MRC1: variants seen among roughly 807,000 people sequenced by gnomAD.
MRC1 encodes the protein mannose receptor C-type 1, also known as macrophage mannose receptor 1.
MRC1 carries 62 observed loss-of-function variants against 102.9 expected under a neutral mutation model. The observed-to-expected ratio is 0.60, with a 90% CI of 0.49 to 0.74. MRC1 has a LOEUF of 0.74. Among genes scored for constraint, MRC1 ranks in the 30% least tolerant of loss-of-function variants. The probability of loss-of-function intolerance (pLI) is 0.00; values close to 1 mark genes in which losing one functional copy is unlikely to be tolerated. For synonymous variants in MRC1, 457 were observed against 298.4 expected (o/e 1.53, Z -5.48); for missense variants, 1,237 against 862.8 (o/e 1.43, Z -5.43).
In MRC1 at chr10:17,872,142, CTCTCCTTTA is replaced by C; in HGVS notation, c.2344+21_2344+29del. ...ATACAAAAAGGTATGATCACCTCTT[CTCTCCTTTA>C]TCTCAGCTTGGTAGACTAACCTCCT... On this transcript the variant is annotated intron_variant, in intron 15 of 29. Coordinates refer to ENST00000569591, the MANE Select transcript of MRC1 (RefSeq NM_002438.4). 2 of 780,468 alleles carry C rather than the reference CTCTCCTTTA, an allele frequency of 2.6e-6. No homozygotes were observed. The highest frequency in any genetic ancestry group is 2.3e-4 in the Middle Eastern group (1 of 4,398). 48.3% of individuals were successfully genotyped at this position (780,468 alleles called of 1,614,324 possible).
chr10:17,845,276 C>G lies in MRC1; in HGVS notation c.917-13C>G. On this transcript the variant is annotated splice_polypyrimidine_tract_variant and intron_variant, in intron 5 of 29. Coordinates refer to ENST00000569591, the MANE Select transcript of MRC1 (RefSeq NM_002438.4). ...CTATAATAGTCCACTTTAACTTTTC[C>G]TTTTCCTCGAAGGAAGTCCATCAGC... 1.3e-6 allele frequency: 1 copy of G among 780,792 alleles called. No individual in the cohort carries two copies. 48.4% of individuals were successfully genotyped at this position (780,792 alleles called of 1,614,324 possible).
At chr10:17,844,811 A>G (rs931385388) in intron 5 of MRC1, among the ~76,000 whole-genome samples, 1 of 152,142 alleles carries the variant, frequency 6.6e-6, no homozygotes, top group Middle Eastern at 3.2e-3. Flanking sequence ...GCTCCCACTT[A>G]GAAGTGAGAA....
chr10:17,856,790 A>AT (rs1365607378), intron 9 of MRC1, among the ~76,000 whole-genome samples: 1 of 151,944 alleles, frequency 6.6e-6, no homozygotes, highest in Non-Finnish European at 1.5e-5. Flanking sequence ...ATCCTTAGTC[A>AT]TTTTTTTCCC....
At chr10:17,857,343 T>C (rs1833108177) in intron 9 of MRC1, among the ~76,000 whole-genome samples, 2 of 152,234 alleles carry the variant, frequency 1.3e-5, no homozygotes, top group Non-Finnish European at 2.9e-5. Flanking sequence ...CCAGCATACG[T>C]TCATATTCTT....
intron 6 of MRC1, among the ~76,000 whole-genome samples, chr10:17,846,810 AT>A (rs1554840260): frequency 6.6e-6 from 1 of 152,134 alleles, no homozygotes; most frequent in African/African-American, 2.4e-5. Context: ...CAGCACATAT[AT>A]TTTTTTGACC....
chr10:17,832,974 C>T (rs1396771761), intron 3 of MRC1, among the ~76,000 whole-genome samples: 4 of 152,172 alleles, frequency 2.6e-5, no homozygotes, highest in African/African-American at 9.7e-5. Flanking sequence ...GGTACCCGAA[C>T]TGTGAACATT....
intron 9 of MRC1, among the ~76,000 whole-genome samples, chr10:17,860,029 C>T (rs1833159599): frequency 6.6e-6 from 1 of 152,222 alleles, no homozygotes; most frequent in South Asian, 2.1e-4. Flanking sequence ...GACCTCGGTT[C>T]CAACTCCCTG....
At chr10:17,866,829 A>G (rs1589185061) in intron 12 of MRC1, 68 bp downstream of exon 12, 1 of 778,912 alleles carries the variant, frequency 1.3e-6, no homozygotes, top group Admixed American at 1.7e-5. Context: ...TCATCTAAGG[A>G]CATAGAAAAC....
rs1452126734 is a variant in MRC1, at chr10:17,851,920, G to T, written c.1250-1047G>T. Among the ~76,000 whole-genome samples, 11 of 152,332 alleles carry T rather than the reference G, an allele frequency of 7.2e-5. No homozygotes were observed. In the East Asian group the frequency reaches 2.1e-3, roughly 29 times the overall value. ...CCGCTTAGGGAGAATCTTATACATT[G>T]TGATGTTTTCCTCATTTTCTACCAC... On this transcript the variant is annotated intron_variant, in intron 7 of 29. Transcript: ENST00000569591.
At chr10:17,879,086 G>A (rs1833476938) in intron 18 of MRC1, among the ~76,000 whole-genome samples, 1 of 152,128 alleles carries the variant, frequency 6.6e-6, no homozygotes, top group Non-Finnish European at 1.5e-5. Flanking sequence ...GGGTGGTTTG[G>A]TTTTGTGGGA....
intron 4 of MRC1, among the ~76,000 whole-genome samples, chr10:17,834,065 G>A (rs1838623740): frequency 6.6e-6 from 1 of 152,172 alleles, no homozygotes; most frequent in Non-Finnish European, 1.5e-5. Context: ...TAGAGCCAGT[G>A]CTAAGAAGGA....
chr10:17,847,350 C>A (rs1838841283), intron 6 of MRC1, among the ~76,000 whole-genome samples: 1 of 152,166 alleles, frequency 6.6e-6, no homozygotes, highest in African/African-American at 2.4e-5. Context: ...ACTCTTCTTC[C>A]TGAGATAAAA....
At chr10:17,820,480 G>A (rs1390541092) in intron 1 of MRC1, among the ~76,000 whole-genome samples, 1 of 152,158 alleles carries the variant, frequency 6.6e-6, no homozygotes, top group Non-Finnish European at 1.5e-5. Context: ...GAGGAACACT[G>A]TTCATGCATA....
At chr10:17,869,734 C>T (rs1023456490) in intron 12 of MRC1, among the ~76,000 whole-genome samples, 71 of 152,286 alleles carry the variant, frequency 4.7e-4, no homozygotes, top group Non-Finnish European at 4.0e-4. Flanking sequence ...AAATACAAGG[C>T]GGTATTGAAG....
At chr10:17,816,870 C>T (rs1264151769) in intron 1 of MRC1, among the ~76,000 whole-genome samples, 8 of 152,128 alleles carry the variant, frequency 5.3e-5, no homozygotes, top group Non-Finnish European at 1.5e-5. Context: ...TGAACAATCA[C>T]CTTTAATAAC....
intron 1 of MRC1, among the ~76,000 whole-genome samples, chr10:17,813,011 G>A (rs997698889): frequency 1.3e-5 from 2 of 152,118 alleles, no homozygotes; most frequent in African/African-American, 2.4e-5. Flanking sequence ...AATGAGAGAC[G>A]TCTTGGTGGA....
chr10:17,830,003 T>C (rs1308964582), intron 3 of MRC1, among the ~76,000 whole-genome samples: 2 of 151,658 alleles, frequency 1.3e-5, no homozygotes, highest in Non-Finnish European at 2.9e-5. Context: ...GAAAATAAAT[T>C]GATTTGGTTT....
chr10:17,902,499 T>C (rs1833842059), intron 26 of MRC1, among the ~76,000 whole-genome samples: 2 of 152,172 alleles, frequency 1.3e-5, no homozygotes, highest in Non-Finnish European at 2.9e-5. Context: ...GAAAAGTATT[T>C]CTATTTATTG....
chr10:17,820,140 TA>T (rs1374594697), intron 1 of MRC1, among the ~76,000 whole-genome samples: 1 of 152,066 alleles, frequency 6.6e-6, no homozygotes, highest in Non-Finnish European at 1.5e-5. Flanking sequence ...ATCTCATCTT[TA>T]AAAGAATTCC....
Sources: gnomAD v4.1 joint callset for allele counts (sites outside exome capture counted in the v4.1 genomes callset) on GRCh38, gnomAD v4.1.1 for gene constraint, MANE v1.5 for transcripts, NCBI Gene and HGNC (gene_info 2026-07-23, HGNC 2026-07-21) for gene names.